SDR9C7: variants seen among roughly 807,000 people sequenced by gnomAD.
SDR9C7 encodes the protein short chain dehydrogenase/reductase family 9C member 7.
In SDR9C7, 11 loss-of-function variants were observed where a neutral mutation model predicts 23.6. The ratio of observed to expected loss-of-function variants is 0.47; its 90% confidence interval spans 0.29 to 0.77. SDR9C7 has a LOEUF of 0.77. SDR9C7 is among the 30% of genes least tolerant of loss of function. The pLI, the probability that SDR9C7 is intolerant of heterozygous loss-of-function variation, is 0.09. For missense variants in SDR9C7, 387 were observed against 407.1 expected (o/e 0.95, Z 0.42); for synonymous variants, 167 against 157.3 (o/e 1.06, Z -0.46).
chr12:56,926,940 T>C (rs763581839), intron 3 of SDR9C7, among the ~76,000 whole-genome samples: 8 of 152,256 alleles, frequency 5.3e-5, no homozygotes, highest in Non-Finnish European at 1.0e-4. Context: ...ATGTCCATTA[T>C]AGCAAGATTC....
rs549190658 is a variant in SDR9C7 at position 56,929,684 on chromosome 12, C to G, written c.561-131G>C. ...ACCCCTGTACTTGGCCCTGGCATTG[C>G]CTTTGTGCAAATAAGCCCTTCCTTA... On this transcript the variant is annotated intron_variant, in intron 2 of 3. Transcript: ENST00000293502. The G allele has an allele frequency of 1.8e-5, 20 of 1,096,062 alleles. No individual in the cohort carries two copies. In the South Asian group the frequency reaches 3.0e-4, roughly 17 times the overall value. The allele number at this position is 1,096,062 out of a possible 1,614,324, so 67.9% of individuals were successfully genotyped here.
At chr12:56,930,715 C>A (rs1294737465) in intron 1 of SDR9C7, among the ~76,000 whole-genome samples, 2 of 152,234 alleles carry the variant, frequency 1.3e-5, no homozygotes. Context: ...TCTGTACTAG[C>A]TACAATCGAG....
At chr12:56,931,898 C>G (rs1955770865) in intron 1 of SDR9C7, among the ~76,000 whole-genome samples, 4 of 152,148 alleles carry the variant, frequency 2.6e-5, no homozygotes, top group Admixed American at 6.5e-5. Flanking sequence ...CCACCCCTCC[C>G]TCTAGGGCTG....
chr12:56,929,605 G>T (rs183775940), intron 2 of SDR9C7, 52 bp from the exon 3 acceptor site: 2 of 1,576,572 alleles, frequency 1.3e-6, no homozygotes, highest in South Asian at 2.2e-5. Context: ...CAATCATCAC[G>T]GAGAGTCACC....
At chr12:56,924,782 G>A (rs1307820571) in intron 3 of SDR9C7, among the ~76,000 whole-genome samples, 10 of 152,140 alleles carry the variant, frequency 6.6e-5, no homozygotes, top group Non-Finnish European at 1.0e-4. Flanking sequence ...TTAGGTGAGC[G>A]TGGTGGCGCG....
chr12:56,925,619 A>G (rs1955728567), intron 3 of SDR9C7, among the ~76,000 whole-genome samples: 1 of 152,100 alleles, frequency 6.6e-6, no homozygotes, highest in African/African-American at 2.4e-5. Context: ...GGAAAAGCCA[A>G]ACTATATTTT....
At chr12:56,924,145 CTG>C (rs1955717148) in intron 3 of SDR9C7, 95 bp from the exon 4 acceptor site, 1 of 830,014 alleles carries the variant, frequency 1.2e-6, no homozygotes. Context: ...CATCAGATCC[CTG>C]ATCTAACATT....
intron 1 of SDR9C7, among the ~76,000 whole-genome samples, chr12:56,933,354 T>C (rs1366042178): frequency 6.6e-6 from 1 of 151,524 alleles, no homozygotes; most frequent in African/African-American, 2.4e-5. Flanking sequence ...AGGCACATCC[T>C]TTTTTTTTCT....
intron 1 of SDR9C7, among the ~76,000 whole-genome samples, chr12:56,933,003 A>ATCCTGTTCC (rs1311870701): frequency 6.6e-6 from 1 of 152,186 alleles, no homozygotes; most frequent in Non-Finnish European, 1.5e-5. Context: ...CAACTCAGCC[A>ATCCTGTTCC]TCCTGTTCCT....
chr12:56,929,836 G>A (rs1955756820), intron 2 of SDR9C7, among the ~76,000 whole-genome samples: 1 of 152,130 alleles, frequency 6.6e-6, no homozygotes, highest in Non-Finnish European at 1.5e-5. Context: ...CCTCCCATTA[G>A]CAACCCCTCA....
At chr12:56,932,322 C>T (rs761158337) in intron 1 of SDR9C7, among the ~76,000 whole-genome samples, 4 of 152,090 alleles carry the variant, frequency 2.6e-5, no homozygotes, top group Non-Finnish European at 5.9e-5. Context: ...AAGACTGGGC[C>T]CAACCTTGCG....
intron 3 of SDR9C7, among the ~76,000 whole-genome samples, chr12:56,925,158 C>A (rs543359296): frequency 5.9e-5 from 9 of 152,300 alleles, no homozygotes; most frequent in Admixed American, 2.0e-4. Context: ...CATAGACAAG[C>A]ACCTCGTGGG....
rs546030245 is a variant in SDR9C7 at position 56,927,597 on chromosome 12, G to A, written c.724+1793C>T. 4.6e-5 allele frequency among the ~76,000 whole-genome samples: 7 copies of A among 152,334 alleles called. No homozygotes were observed. The East Asian group carries it at 7.7e-4, about 17-fold the overall frequency. On this transcript the variant is annotated intron_variant, in intron 3 of 3. Transcript: ENST00000293502. The stretch of plus-strand genomic sequence containing the variant: ...CGCAGTGATTGGTTTAGGGTTGGGT[G>A]CATCTTGTGGTCCCCCATGACGCGG...
intron 1 of SDR9C7, among the ~76,000 whole-genome samples, chr12:56,930,703 G>C (rs988770077): frequency 6.6e-6 from 1 of 152,178 alleles, no homozygotes; most frequent in African/African-American, 2.4e-5. Flanking sequence ...GCTAGCTGGC[G>C]CTCTGTACTA....
chr12:56,929,788 T>C (rs1342528680), intron 2 of SDR9C7, among the ~76,000 whole-genome samples: 2 of 152,214 alleles, frequency 1.3e-5, no homozygotes, highest in African/African-American at 2.4e-5. Flanking sequence ...AAGAAGTCAA[T>C]AGAGAATCTA....
At chr12:56,927,629 TA>T (rs533017356) in intron 3 of SDR9C7, among the ~76,000 whole-genome samples, 123 of 152,306 alleles carry the variant, frequency 8.1e-4, no homozygotes, top group African/African-American at 2.9e-3. Context: ...GCGGTCACCA[TA>T]AGGTCCTCCA....
In SDR9C7 at chr12:56,924,173, A is replaced by G. The variant is rs73129146; in HGVS notation, c.725-123T>C. 4,987 of 649,590 alleles carry G rather than the reference A, an allele frequency of 7.7e-3. 62 individuals carry two copies. Among genetic ancestry groups the G allele is most frequent in the Middle Eastern group, 0.024 (65 of 2,688 alleles). The allele number at this position is 649,590 out of a possible 1,614,324, so 40.2% of individuals were successfully genotyped here. A position where few individuals can be genotyped will look rare whatever the true frequency, so the allele number is the denominator to read the frequency against. ...ATCTAACATTTCAGGCAGGTCCGCC[A>G]CACCCTCCAGGTGGTCCCTTATACA... is the stretch of plus-strand genomic sequence containing the variant. On this transcript the variant is annotated intron_variant, in intron 3 of 3. Coordinates refer to ENST00000293502, the MANE Select transcript of SDR9C7 (RefSeq NM_148897.3).
Position 56,934,099 on chromosome 12 carries a change from C to T in SDR9C7, c.163G>A (p.Ala55Thr). The T allele has an allele frequency of 6.2e-7, 1 of 1,614,198 alleles. No homozygotes were observed. Among genetic ancestry groups the T allele is most frequent in the Non-Finnish European group, 8.5e-7 (1 of 1,180,040 alleles). ...LVDRGMQVLA[A>T]CFTEEGSQKL... is the part of the protein sequence containing the mutation. ...TGGGATCCCTCCTCAGTGAAGCAAG[C>T]AGCCAGCACCTGCATGCCCCGATCA... The change falls in exon 1 of 4, where the codon GCT (alanine) becomes ACT (threonine). Residue 55 changes from alanine to threonine, a missense_variant. Ala to Thr is a moderately conservative substitution (Grantham distance 58, BLOSUM62 0). Transcript: ENST00000293502.
In SDR9C7 at chr12:56,924,148, A is replaced by G. The variant is rs186928700; in HGVS notation, c.725-98T>C. 163 of 814,338 alleles carry G rather than the reference A, an allele frequency of 2.0e-4. 1 individual carries two copies. In the African/African-American group the frequency reaches 2.7e-3, roughly 14 times the overall value. The allele number at this position is 814,338 out of a possible 1,614,324, so 50.4% of individuals were successfully genotyped here. ...AAGTTCCCTTTCCATCAGATCCCTG[A>G]TCTAACATTTCAGGCAGGTCCGCCA... is the stretch of plus-strand genomic sequence containing the variant. On this transcript the variant is annotated intron_variant, in intron 3 of 3. Coordinates refer to ENST00000293502, the MANE Select transcript of SDR9C7 (RefSeq NM_148897.3).
Sources: gnomAD v4.1 joint callset for allele counts (sites outside exome capture counted in the v4.1 genomes callset) on GRCh38, gnomAD v4.1.1 for gene constraint, MANE v1.5 for transcripts, NCBI Gene and HGNC (gene_info 2026-07-23, HGNC 2026-07-21) for gene names.